The following C10orf88 variants were observed in gnomAD, a reference collection of about 807,000 sequenced individuals.
The protein encoded by C10orf88 is chromosome 10 open reading frame 88.
A neutral mutation model predicts 34.2 loss-of-function variants in C10orf88; 29 were observed. The observed-to-expected ratio is 0.85, with a 90% CI of 0.63 to 1.16. C10orf88 has a LOEUF of 1.16. Ranked by LOEUF, C10orf88 falls within the 50% of genes most tolerant of loss-of-function variation. The pLI is 0.00. For synonymous variants in C10orf88, 194 were observed against 197.4 expected (o/e 0.98, Z 0.15); for missense variants, 507 against 533.2 (o/e 0.95, Z 0.48).
intron 5 of C10orf88, among the ~76,000 whole-genome samples, chr10:122,937,474 C>T (rs2133329115): frequency 6.6e-6 from 1 of 152,108 alleles, no homozygotes; most frequent in East Asian, 1.9e-4. Context: ...GACCCTTCCA[C>T]AAAATGCCTG....
Position 122,951,954 on chromosome 10 carries a change from C to T in C10orf88, c.441G>A (p.Lys147=), listed in dbSNP as rs1848694444. The part of the protein sequence containing the change: ...LESSTHACKI[K]LLSFGERQCV... ...AATTAGTTTACAACTGACAACTTAC[C>T]TTTATTTTACAAGCATGTGTGGAGG... Residue 147 remains lysine (K), a splice_region_variant and synonymous_variant, in exon 3 of 6, where the codon AAG becomes AAA. Coordinates refer to ENST00000481909, the MANE Select transcript of C10orf88 (RefSeq NM_024942.4). The T allele has an allele frequency of 6.5e-7, 1 of 1,536,274 alleles. No homozygotes were observed. Among genetic ancestry groups the T allele is most frequent in the Non-Finnish European group, 8.9e-7 (1 of 1,117,596 alleles).
intron 4 of C10orf88, among the ~76,000 whole-genome samples, chr10:122,940,814 A>G (rs1848574631): frequency 6.6e-6 from 1 of 152,052 alleles, no homozygotes; most frequent in Non-Finnish European, 1.5e-5. Context: ...ATAAAACCAT[A>G]GAAAGCTGTA....
chr10:122,931,236 G>A lies in C10orf88; in HGVS notation c.*1191C>T, dbSNP rs921317318. 2.0e-5 allele frequency: 3 copies of A among 152,204 alleles called. No homozygotes were observed. The highest frequency in any genetic ancestry group is 1.9e-4 in the East Asian group (1 of 5,182). 9.4% of individuals were successfully genotyped at this position (152,204 alleles called of 1,614,324 possible). ...AAAAGGCTGAGGTCTTTTTAAAGTC[G>A]TTTGGTCAGCTATCGTGGTTGTAAC... On this transcript the variant is annotated 3_prime_UTR_variant, in exon 6 of 6. Transcript: ENST00000481909.
rs1175456775 is a variant in C10orf88, at chr10:122,952,034, T to TA, written c.369-9dup. Reference sequence around the variant, plus strand: ...ATGATCTTTTCATGTTCACTAAAAATAAAAAAGAATTAATTTTTTTTACTT... The same window carrying TA: ...ATGATCTTTTCATGTTCACTAAAAATAAAAAAAGAATTAATTTTTTTTACTT... On this transcript the variant is annotated splice_polypyrimidine_tract_variant and intron_variant, in intron 2 of 5. Transcript: ENST00000481909. 3 of 1,352,018 alleles carry TA rather than the reference T, an allele frequency of 2.2e-6. No individual in the cohort carries two copies. Among genetic ancestry groups the TA allele is most frequent in the Non-Finnish European group, 2.1e-6 (2 of 970,358 alleles). The allele number at this position is 1,352,018 out of a possible 1,614,324, so 83.8% of individuals were successfully genotyped here.
chr10:122,944,365 G>T (rs1231355060), intron 4 of C10orf88, among the ~76,000 whole-genome samples: 1 of 130,564 alleles, frequency 7.7e-6, no homozygotes, highest in East Asian at 2.4e-4. Context: ...TCACACTCTG[G>T]GGACTGTTGT....
Position 122,941,872 on chromosome 10 carries a change from G to A in C10orf88, c.649-3713C>T, listed in dbSNP as rs369790323. Among the ~76,000 whole-genome samples, 80 of 152,132 alleles carry A rather than the reference G, an allele frequency of 5.3e-4. No homozygotes were observed. In the South Asian group the frequency reaches 0.016, roughly 30 times the overall value. ...AACCCATGAGTGTTGGCTGAGGGTG[G>A]GGTGGCATGGGGGAGAGCCTTCTGT... On this transcript the variant is annotated intron_variant, in intron 4 of 5. Transcript: ENST00000481909.
chr10:122,948,381 G>A (rs1053360646), intron 4 of C10orf88, among the ~76,000 whole-genome samples: 1 of 151,946 alleles, frequency 6.6e-6, no homozygotes, highest in Non-Finnish European at 1.5e-5. Context: ...GACCATCTTC[G>A]CACACTCAAA....
intron 2 of C10orf88, among the ~76,000 whole-genome samples, chr10:122,952,501 C>G (rs570472284): frequency 6.6e-6 from 1 of 152,208 alleles, no homozygotes; most frequent in African/African-American, 2.4e-5. Flanking sequence ...AATTAACTTT[C>G]GGAAGACAGA....
chr10:122,938,227 A>C, intron 4 of C10orf88, 68 bp from the exon 5 acceptor site: 1 of 1,274,824 alleles, frequency 7.8e-7, no homozygotes, highest in Non-Finnish European at 1.1e-6. Flanking sequence ...AGTAATTACT[A>C]TGAGTCAGGC....
At chr10:122,944,871 C>T (rs1053678467) in intron 4 of C10orf88, among the ~76,000 whole-genome samples, 1 of 151,340 alleles carries the variant, frequency 6.6e-6, no homozygotes, top group South Asian at 2.1e-4. Context: ...AACTCCACAT[C>T]CCAAATACCC....
chr10:122,948,675 T>C lies in C10orf88; in HGVS notation c.622A>G (p.Met208Val). The change falls in exon 4 of 6, where the codon ATG (methionine) becomes GTG (valine). Residue 208 changes from methionine (M) to valine (V), a missense_variant. Met to Val is a conservative substitution (Grantham distance 21, BLOSUM62 1). Coordinates refer to ENST00000481909, the MANE Select transcript of C10orf88 (RefSeq NM_024942.4). ...CGCTGCTGACACCTAACCATATCCA[T>C]CAACTGCTGAGCTCCAGGAGATAAC... Reference protein sequence around the residue: ...SKLSPGAQQLMDMVRCQQRNC... With the variant: ...SKLSPGAQQLVDMVRCQQRNC... 1 of 1,613,938 alleles carries C rather than the reference T, an allele frequency of 6.2e-7. No individual in the cohort carries two copies. Among genetic ancestry groups the C allele is most frequent in the Non-Finnish European group, 8.5e-7 (1 of 1,179,866 alleles).
At chr10:122,941,065 T>C (rs1177780885) in intron 4 of C10orf88, among the ~76,000 whole-genome samples, 1 of 152,084 alleles carries the variant, frequency 6.6e-6, no homozygotes, top group Admixed American at 6.6e-5. Flanking sequence ...TTTTTTTGTA[T>C]CACCTTTAAT....
chr10:122,952,712 T>A, intron 2 of C10orf88, 117 bp downstream of exon 2: 1 of 1,280,276 alleles, frequency 7.8e-7, no homozygotes, highest in Admixed American at 2.2e-5. Flanking sequence ...GGCACATTTT[T>A]ATCTTCTCTC....
chr10:122,949,998 T>A (rs1848676232), intron 3 of C10orf88, among the ~76,000 whole-genome samples: 1 of 152,232 alleles, frequency 6.6e-6, no homozygotes, highest in Non-Finnish European at 1.5e-5. Flanking sequence ...CTCTTCTGGC[T>A]TCTATCCCTG....
chr10:122,944,317 T>C (rs1412397287), intron 4 of C10orf88, among the ~76,000 whole-genome samples: 2 of 140,444 alleles, frequency 1.4e-5, no homozygotes, highest in Admixed American at 7.9e-5. Context: ...TAGGTGGGAA[T>C]TGAACAATGA....
At chr10:122,941,044 T>A (rs1404213810) in intron 4 of C10orf88, among the ~76,000 whole-genome samples, 1 of 152,100 alleles carries the variant, frequency 6.6e-6, no homozygotes, top group African/African-American at 2.4e-5. Flanking sequence ...CTATACCTTT[T>A]TGCTTTTTAA....
intron 4 of C10orf88, among the ~76,000 whole-genome samples, chr10:122,944,028 T>G (rs943740642): frequency 6.6e-6 from 1 of 151,978 alleles, no homozygotes; most frequent in Non-Finnish European, 1.5e-5. Context: ...TTACTGGGTA[T>G]ATACCCAAAG....
intron 4 of C10orf88, among the ~76,000 whole-genome samples, chr10:122,942,546 A>G (rs1426430322): frequency 2.6e-5 from 4 of 151,358 alleles, no homozygotes. Context: ...GGAGAAGGAA[A>G]TAAAGGGTAT....
At chr10:122,948,978 T>C (rs1400778418) in intron 3 of C10orf88, 123 bp from the exon 4 acceptor site, 9 of 860,918 alleles carry the variant, frequency 1.0e-5, no homozygotes, top group Non-Finnish European at 1.5e-5. Flanking sequence ...ACTTCAAGTA[T>C]ATTTTAAACT....
Sources: allele counts gnomAD v4.1 joint callset (sites outside exome capture counted in the v4.1 genomes callset), GRCh38; gene constraint gnomAD v4.1.1; transcripts MANE v1.5; gene names NCBI Gene and HGNC (gene_info 2026-07-23, HGNC 2026-07-21).